Variants in PATJ observed in about 807,000 individuals in gnomAD.
PATJ encodes PATJ crumbs cell polarity complex component.
PATJ carries 190 observed loss-of-function variants against 224.9 expected under a neutral mutation model. That is an observed-to-expected ratio of 0.84 (90% CI 0.75 to 0.95). The LOEUF (loss-of-function observed/expected upper bound fraction) is 0.95, where lower values mean the gene tolerates loss of function less well. PATJ is among the 40% of genes least tolerant of loss of function. PATJ has a pLI of 0.00. For missense variants in PATJ, 2,121 were observed against 2,270.3 expected, an observed-to-expected ratio of 0.93 and a Z score of 1.34; for synonymous variants, 769 against 820.3, an observed-to-expected ratio of 0.94 and a Z score of 1.07.
intron 32 of PATJ, among the ~76,000 whole-genome samples, chr1:62,081,273 CAAAT>C (rs1460502139): frequency 6.6e-6 from 1 of 152,068 alleles, no homozygotes; most frequent in Non-Finnish European, 1.5e-5. Flanking sequence ...AATAAATAAA[CAAAT>C]AAATAAATAA....
chr1:62,014,077 C>A (rs530764633), intron 28 of PATJ, among the ~76,000 whole-genome samples: 4 of 151,892 alleles, frequency 2.6e-5, no homozygotes, highest in East Asian at 3.9e-4. Flanking sequence ...CCCAGCCCCC[C>A]ATTCTTCTCA....
intron 21 of PATJ, among the ~76,000 whole-genome samples, chr1:61,875,882 C>T (rs570111898): frequency 6.6e-6 from 1 of 152,164 alleles, no homozygotes; most frequent in African/African-American, 2.4e-5. Context: ...CCCTCAATAT[C>T]GATTCTTATA....
intron 39 of PATJ, among the ~76,000 whole-genome samples, chr1:62,125,037 G>A (rs1352474843): frequency 6.6e-6 from 1 of 151,838 alleles, no homozygotes; most frequent in Non-Finnish European, 1.5e-5. Context: ...ACCAGCCTGG[G>A]CAACATGGGG....
rs1447213956 is a variant in PATJ, at chr1:62,161,432, A to T, written c.*378A>T. ...TGGCTCACTGCAACCTCGGCCTCCC[A>T]GGTTGGAGCGATTCTCCTGCCTCAG... On this transcript the variant is annotated 3_prime_UTR_variant, in exon 44 of 44. Coordinates refer to ENST00000642238, the MANE Select transcript of PATJ (RefSeq NM_001350145.3). 1.4e-5 allele frequency: 2 copies of T among 140,824 alleles called. No individual in the cohort carries two copies. The highest frequency in any genetic ancestry group is 5.6e-5 in the African/African-American group (2 of 35,894). 8.7% of individuals were successfully genotyped at this position (140,824 alleles called of 1,614,324 possible).
chr1:62,015,476 A>C (rs910316985), intron 28 of PATJ, among the ~76,000 whole-genome samples: 3 of 152,142 alleles, frequency 2.0e-5, no homozygotes, highest in African/African-American at 4.8e-5. Flanking sequence ...GAGAAGGGGA[A>C]ACTGAGGCAC....
At chr1:62,154,029 A>G (rs533261350) in intron 43 of PATJ, among the ~76,000 whole-genome samples, 5 of 152,112 alleles carry the variant, frequency 3.3e-5, no homozygotes, top group East Asian at 3.9e-4. Flanking sequence ...CTCAGTAGCT[A>G]GGACTACAGG....
At chr1:61,984,169 T>A (rs947912758) in intron 27 of PATJ, among the ~76,000 whole-genome samples, 2 of 144,556 alleles carry the variant, frequency 1.4e-5, no homozygotes, top group African/African-American at 5.2e-5. Context: ...TTATTATTTT[T>A]TTTTTTTTTG....
At chr1:62,084,367 A>G (rs1570512893) in intron 32 of PATJ, 148 bp from the exon 33 acceptor site, 5 of 709,510 alleles carry the variant, frequency 7.0e-6, no homozygotes. Context: ...AAGAGGCAGG[A>G]ATGACCCAGC....
chr1:62,046,728 G>A lies in PATJ; in HGVS notation c.4033-4238G>A, dbSNP rs1652636232. On this transcript the variant is annotated intron_variant, in intron 30 of 43. Transcript: ENST00000642238. ...AGAATGTTACAATTTAGAGGAAGGAGAGATGTCCCCCAGGTAAGGAGAAGG... is the reference window on the plus strand; with the variant it reads ...AGAATGTTACAATTTAGAGGAAGGAAAGATGTCCCCCAGGTAAGGAGAAGG... Among the ~76,000 whole-genome samples, 6 of 152,188 alleles carry A rather than the reference G, an allele frequency of 3.9e-5. No homozygotes were observed. In the South Asian group the frequency reaches 1.2e-3, roughly 32 times the overall value.
intron 1 of PATJ, among the ~76,000 whole-genome samples, chr1:61,754,960 A>G (rs756769224): frequency 6.6e-6 from 1 of 152,012 alleles, no homozygotes; most frequent in Non-Finnish European, 1.5e-5. Context: ...TTACCAAGGG[A>G]TACTCCAGAA....
rs1238604265 is a variant in PATJ at position 61,762,865 on chromosome 1, T to C, written c.-28T>C. The C allele has an allele frequency of 2.0e-6, 3 of 1,480,326 alleles. No individual in the cohort carries two copies. The highest frequency in any genetic ancestry group is 2.8e-6 in the Non-Finnish European group (3 of 1,077,054). The allele number at this position is 1,480,326 out of a possible 1,614,324, so 91.7% of individuals were successfully genotyped here. On this transcript the variant is annotated 5_prime_UTR_variant, in exon 2 of 44. Coordinates refer to ENST00000642238, the MANE Select transcript of PATJ (RefSeq NM_001350145.3). ...GTTAAATTTTTTCTTTAGGTGTCTT[T>C]AAGAGTGATTGAAGAGAATAATTCA...
At chr1:61,775,997 T>C (rs1463134214) in intron 7 of PATJ, among the ~76,000 whole-genome samples, 1 of 152,258 alleles carries the variant, frequency 6.6e-6, no homozygotes, top group Non-Finnish European at 1.5e-5. Context: ...ATCAGAATGA[T>C]ATGTAAAATT....
At chr1:61,841,834 AT>A (rs1661148287) in intron 17 of PATJ, among the ~76,000 whole-genome samples, 2 of 152,238 alleles carry the variant, frequency 1.3e-5, no homozygotes, top group South Asian at 2.1e-4. Context: ...ATCCACATTT[AT>A]TTTTATTAAC....
intron 30 of PATJ, among the ~76,000 whole-genome samples, chr1:62,044,027 A>G (rs746422405): frequency 2.0e-5 from 3 of 152,232 alleles, no homozygotes; most frequent in Non-Finnish European, 4.4e-5. Flanking sequence ...CACCTGGCCA[A>G]CATGATGTTT....
At chr1:61,818,544 A>C (rs1421177197) in intron 14 of PATJ, among the ~76,000 whole-genome samples, 1 of 152,254 alleles carries the variant, frequency 6.6e-6, no homozygotes, top group Admixed American at 6.5e-5. Context: ...CTGCTCCCGC[A>C]GAGAAGCTTG....
chr1:62,114,530 T>G (rs935177680), intron 35 of PATJ: 1 of 270,362 alleles, frequency 3.7e-6, no homozygotes, highest in African/African-American at 2.3e-5. Context: ...AAGATCGGAG[T>G]TTTGCAGAGG....
intron 27 of PATJ, among the ~76,000 whole-genome samples, chr1:61,979,473 T>TA (rs1266819779): frequency 6.6e-6 from 1 of 151,788 alleles, no homozygotes; most frequent in Non-Finnish European, 1.5e-5. Context: ...GCCAACATGG[T>TA]AAAACTCTGT....
chr1:61,808,388 A>C, intron 13 of PATJ, 86 bp from the exon 14 acceptor site: 1 of 783,902 alleles, frequency 1.3e-6, no homozygotes, highest in Non-Finnish European at 2.2e-6. Context: ...TTATCAATAT[A>C]TAGGTTTTAC....
At position 61,805,536 on chromosome 1, in the gene PATJ, T is replaced by C. The variant is rs557389076; in HGVS notation, c.1626+12T>C. ...ATTATGAAGTAATGGTATGTTAAAATGCTCTAATAAAAAACATTCATGTCT... is the reference window on the plus strand; with the variant it reads ...ATTATGAAGTAATGGTATGTTAAAACGCTCTAATAAAAAACATTCATGTCT... On this transcript the variant is annotated intron_variant, in intron 13 of 43. Coordinates refer to ENST00000642238, the MANE Select transcript of PATJ (RefSeq NM_001350145.3). 1.1e-4 allele frequency: 169 copies of C among 1,479,886 alleles called. 5 individuals carry two copies. In the South Asian group the frequency reaches 1.9e-3, roughly 17 times the overall value. 91.7% of individuals were successfully genotyped at this position (1,479,886 alleles called of 1,614,324 possible).
Sources: allele counts gnomAD v4.1 joint callset (sites outside exome capture counted in the v4.1 genomes callset), GRCh38; gene constraint gnomAD v4.1.1; transcripts MANE v1.5; gene names NCBI Gene and HGNC (gene_info 2026-07-23, HGNC 2026-07-21).